ALOX15: variants seen among roughly 807,000 people sequenced by gnomAD.
ALOX15 encodes arachidonate 15-lipoxygenase, also known as polyunsaturated fatty acid lipoxygenase ALOX15.
Under a neutral mutation model 71.7 loss-of-function variants are expected in ALOX15, and 68 were observed. The observed-to-expected ratio is 0.95, with a 90% CI of 0.78 to 1.16. The LOEUF is 1.16. Ranked by LOEUF, ALOX15 falls within the 50% of genes most tolerant of loss-of-function variation. The pLI is 0.00. For synonymous variants in ALOX15, 346 were observed against 333.3 expected (o/e 1.04, Z -0.42); for missense variants, 798 against 818.8 (o/e 0.97, Z 0.31).
In ALOX15 at chr17:4,633,268, A is replaced by G. The variant is rs1182131312; in HGVS notation, c.1296T>C (p.Ala432=). The part of the protein sequence containing the change: ...GGGHVQLLKQ[A]GAFLTYSSFC... ...AGGAGCTGTAGGTTAGGAAGGCTCC[A>G]GCTTGCTTGAGCAGCTGCACGTGGC... Residue 432 remains alanine (A), a synonymous_variant, in exon 10 of 14, where the codon GCT becomes GCC. Coordinates refer to ENST00000293761, the MANE Select transcript of ALOX15 (RefSeq NM_001140.5). 1 of 1,614,204 alleles carries G rather than the reference A, an allele frequency of 6.2e-7. No individual in the cohort carries two copies. Among genetic ancestry groups the G allele is most frequent in the Non-Finnish European group, 8.5e-7 (1 of 1,180,036 alleles).
intron 8 of ALOX15, 122 bp from the exon 9 acceptor site, chr17:4,633,622 G>A (rs1910992818): frequency 2.6e-6 from 2 of 767,582 alleles, no homozygotes; most frequent in Non-Finnish European, 4.3e-6. Context: ...GTAAAGTTCA[G>A]TGGCCTCTCA....
In ALOX15 at chr17:4,633,211, C is replaced by T. The variant is rs768183741; in HGVS notation, c.1353G>A (p.Gly451=). Residue 451 remains glycine (G), a synonymous_variant, in exon 10 of 14, where the codon GGG becomes GGA. Coordinates refer to ENST00000293761, the MANE Select transcript of ALOX15 (RefSeq NM_001140.5). The part of the protein sequence containing the change: ...FCPPDDLADR[G]LLGVKSSFYA... ...AGAAGGAAGACTTCACTCCCAGGAGCCCCCGGTCGGCCAAGTCATCAGGGG... is the reference window on the plus strand; with the variant it reads ...AGAAGGAAGACTTCACTCCCAGGAGTCCCCGGTCGGCCAAGTCATCAGGGG... 7 of 1,614,018 alleles carry T rather than the reference C, an allele frequency of 4.3e-6. No individual in the cohort carries two copies. The Admixed American group carries it at 1.0e-4, about 23-fold the overall frequency.
chr17:4,633,569 C>T, intron 8 of ALOX15, 69 bp from the exon 9 acceptor site: 2 of 1,360,806 alleles, frequency 1.5e-6, no homozygotes, highest in Admixed American at 1.7e-5. Flanking sequence ...GAAACAAGGG[C>T]TGACAGCAGG....
At position 4,633,316 on chromosome 17, in the gene ALOX15, C is replaced by A; in HGVS notation, c.1249-1G>T. ...GGCCTCCCCCACCAGTGCTCATTATCTGAGAAGTGAGGGTGAGCAGGGTCA... is the reference window on the plus strand; with the variant it reads ...GGCCTCCCCCACCAGTGCTCATTATATGAGAAGTGAGGGTGAGCAGGGTCA... On this transcript the variant is annotated splice_acceptor_variant, in intron 9 of 13. Coordinates refer to ENST00000293761, the MANE Select transcript of ALOX15 (RefSeq NM_001140.5). LOFTEE classifies it high-confidence loss of function. The A allele has an allele frequency of 6.2e-7, 1 of 1,613,270 alleles. No individual in the cohort carries two copies. The highest frequency in any genetic ancestry group is 1.7e-4 in the Middle Eastern group (1 of 6,060).
Position 4,631,589 on chromosome 17 carries a change from G to A in ALOX15, c.*11C>T, listed in dbSNP as rs1334112696. The A allele has an allele frequency of 1.2e-6, 2 of 1,611,992 alleles. No individual in the cohort carries two copies. The highest frequency in any genetic ancestry group is 1.7e-6 in the Non-Finnish European group (2 of 1,179,914). ...GTGATGGGGGCTGAAATAACCAAAGGGTGGCGACGCTTAGATGGCCACACT... is the reference window on the plus strand; with the variant it reads ...GTGATGGGGGCTGAAATAACCAAAGAGTGGCGACGCTTAGATGGCCACACT... On this transcript the variant is annotated 3_prime_UTR_variant, in exon 14 of 14. Coordinates refer to ENST00000293761, the MANE Select transcript of ALOX15 (RefSeq NM_001140.5).
chr17:4,640,740 G>A (rs1911292943), intron 1 of ALOX15, among the ~76,000 whole-genome samples: 1 of 151,472 alleles, frequency 6.6e-6, no homozygotes, highest in Non-Finnish European at 1.5e-5. Context: ...GCGGTCGGGG[G>A]CGGGACGGAT....
rs1437654959 is a variant in ALOX15 at position 4,631,478 on chromosome 17, C to A, written c.*122G>T. 8.4e-7 allele frequency: 1 copy of A among 1,193,124 alleles called. No individual in the cohort carries two copies. 73.9% of individuals were successfully genotyped at this position (1,193,124 alleles called of 1,614,324 possible). On this transcript the variant is annotated 3_prime_UTR_variant, in exon 14 of 14. Transcript: ENST00000293761. ...TGGGTGCAGAGACCATGAAAAGGTG[C>A]CCCTCTAGGGAGGGTGGGACATGGG...
chr17:4,636,049 C>T (rs886617213), intron 7 of ALOX15, 81 bp from the exon 8 acceptor site: 2 of 1,439,424 alleles, frequency 1.4e-6, no homozygotes, highest in African/African-American at 2.8e-5. Context: ...ATGTTAACCT[C>T]ACCCTTCGTC....
chr17:4,633,329 G>T lies in ALOX15; in HGVS notation c.1249-14C>A. ...AGTGCTCATTATCTGAGAAGTGAGGGTGAGCAGGGTCAGGCGAATCGACCT... is the reference window on the plus strand; with the variant it reads ...AGTGCTCATTATCTGAGAAGTGAGGTTGAGCAGGGTCAGGCGAATCGACCT... On this transcript the variant is annotated splice_polypyrimidine_tract_variant and intron_variant, in intron 9 of 13. Coordinates refer to ENST00000293761, the MANE Select transcript of ALOX15 (RefSeq NM_001140.5). 1 of 1,612,262 alleles carries T rather than the reference G, an allele frequency of 6.2e-7. No homozygotes were observed. The highest frequency in any genetic ancestry group is 1.1e-5 in the South Asian group (1 of 91,018).
chr17:4,639,475 G>A lies in ALOX15; in HGVS notation c.292C>T (p.Arg98Cys). The change falls in exon 2 of 14, where the codon CGC becomes TGC. Residue 98 changes from arginine (R) to cysteine (C), a missense_variant. By Grantham distance (180) the Arg-to-Cys change is radical (BLOSUM62 -3). Coordinates refer to ENST00000293761, the MANE Select transcript of ALOX15 (RefSeq NM_001140.5). The part of the protein sequence containing the change: ...AGDEVRFPCY[R>C]WVEGNGVLSL... ...AGGACGCCGTTGCCCTCCACCCAGC[G>A]GTAACAAGGGAACCTGACCTCGTCC... is the stretch of plus-strand genomic sequence containing the variant. 6.2e-7 allele frequency: 1 copy of A among 1,613,814 alleles called. No individual in the cohort carries two copies. The highest frequency in any genetic ancestry group is 1.3e-5 in the African/African-American group (1 of 75,054).
intron 12 of ALOX15, 22 bp from the exon 13 acceptor site, chr17:4,632,078 G>C (rs1055954918): frequency 4.3e-6 from 7 of 1,609,700 alleles, no homozygotes; most frequent in Non-Finnish European, 5.9e-6. Context: ...CAGGGATCCA[G>C]AGTCAGTGCC....
intron 7 of ALOX15, among the ~76,000 whole-genome samples, 169 bp downstream of exon 7, chr17:4,636,946 C>A (rs1415475210): frequency 6.6e-6 from 1 of 152,180 alleles, no homozygotes. Flanking sequence ...GTCTGTCTCT[C>A]CAGCTACACT....
intron 6 of ALOX15, 113 bp from the exon 7 acceptor site, chr17:4,637,371 T>C: frequency 8.1e-7 from 1 of 1,232,588 alleles, no homozygotes; most frequent in Non-Finnish European, 1.1e-6. Context: ...ATCTACTTTA[T>C]ACCAGGTAAT....
chr17:4,635,724 A>C (rs752596336), intron 8 of ALOX15, 35 bp downstream of exon 8: 3 of 1,607,742 alleles, frequency 1.9e-6, no homozygotes, highest in Non-Finnish European at 2.6e-6. Context: ...GGGCAGAGAT[A>C]GTGGCAGGCA....
chr17:4,631,889 C>A lies in ALOX15; in HGVS notation c.1809G>T (p.Met603Ile). ...AGGGCCCTGGGCACTCAGCTCTCAC[C>A]ATAACGGGCTGGCGTCTGCCCAGCT... is the stretch of plus-strand genomic sequence containing the variant. ...TWQLGRRQPV[M>I]VAVGQHEEEY... The change falls in exon 13 of 14, where the codon ATG (methionine) becomes ATT (isoleucine). Residue 603 changes from methionine to isoleucine, a missense_variant and splice_region_variant. Met to Ile is a conservative substitution (Grantham distance 10). This residue lies in a region of ALOX15 where 490 missense variants were observed against 509.4 expected (regional missense o/e 0.96). Coordinates refer to ENST00000293761, the MANE Select transcript of ALOX15 (RefSeq NM_001140.5). 1 of 1,610,932 alleles carries A rather than the reference C, an allele frequency of 6.2e-7. No individual in the cohort carries two copies. Among genetic ancestry groups the A allele is most frequent in the Non-Finnish European group, 8.5e-7 (1 of 1,178,208 alleles).
At chr17:4,639,157 C>T (rs758523372) in intron 2 of ALOX15, 25 bp from the exon 3 acceptor site, 3 of 1,613,530 alleles carry the variant, frequency 1.9e-6, no homozygotes, top group Non-Finnish European at 8.5e-7. Flanking sequence ...GAGGACTTGG[C>T]CAGTGACTTT....
Position 4,638,946 on chromosome 17 carries a change from A to T in ALOX15, c.446T>A (p.Ile149Asn). The T allele has an allele frequency of 6.2e-7, 1 of 1,614,238 alleles. No homozygotes were observed. Among genetic ancestry groups the T allele is most frequent in the Non-Finnish European group, 8.5e-7 (1 of 1,180,048 alleles). Reference sequence around the variant, plus strand: ...TAGTTTGGCCCCAGCCATATTCAGAATTAACCCGTCCTTCCAGTTTCCCCA... The same window carrying T: ...TAGTTTGGCCCCAGCCATATTCAGATTTAACCCGTCCTTCCAGTTTCCCCA... ...YRWGNWKDGL[I>N]LNMAGAKLYD... The change falls in exon 4 of 14, where the codon ATT (isoleucine) becomes AAT (asparagine). Residue 149 changes from isoleucine (I) to asparagine (N), a missense_variant. Around this residue, in one of 3 missense-constraint regions of ALOX15, gnomAD observed 300 missense variants for 283.1 expected, o/e 1.06. Transcript: ENST00000293761.
In ALOX15 at chr17:4,633,425, T is replaced by G; in HGVS notation, c.1237A>C (p.Ile413Leu). ...ARTGLVSDMG[I>L]FDQIMSTGGG... ...TTCTCTTCCCATACCTGGTCGAAAA[T>G]TCCCATGTCAGAGACCAGCCCAGTC... is the stretch of plus-strand genomic sequence containing the variant. The change falls in exon 9 of 14, where the codon ATT (isoleucine) becomes CTT (leucine). Residue 413 changes from isoleucine (I) to leucine (L), a missense_variant. Physicochemically the swap from Ile to Leu is conservative, Grantham distance 5. Transcript: ENST00000293761. The G allele has an allele frequency of 1.9e-6, 3 of 1,614,024 alleles. No homozygotes were observed. Among genetic ancestry groups the G allele is most frequent in the Non-Finnish European group, 2.5e-6 (3 of 1,179,960 alleles).
At chr17:4,641,269 G>A (rs1023000039) in intron 1 of ALOX15, among the ~76,000 whole-genome samples, 2 of 151,832 alleles carry the variant, frequency 1.3e-5, no homozygotes, top group African/African-American at 4.8e-5. Flanking sequence ...TGCAATGAGG[G>A]GCGCACAGGA....
Sources: gnomAD v4.1 joint callset for allele counts (sites outside exome capture counted in the v4.1 genomes callset) on GRCh38, gnomAD v4.1.1 for gene constraint, gnomAD v4.1.1 regional missense constraint, MANE v1.5 for transcripts, NCBI Gene and HGNC (gene_info 2026-07-23, HGNC 2026-07-21) for gene names.